PRR16: variants seen among roughly 807,000 people sequenced by gnomAD.
The protein encoded by PRR16 is proline rich 16.
PRR16 carries 6 observed loss-of-function variants against 18.2 expected under a neutral mutation model. The observed-to-expected ratio is 0.33, with a 90% CI of 0.18 to 0.65. The LOEUF is 0.65. Ranked by LOEUF, PRR16 falls within the 30% of genes least tolerant of loss-of-function variation. The pLI is 0.74. For missense variants in PRR16, 412 were observed against 376.6 expected (o/e 1.09, Z -0.78); for synonymous variants, 151 against 147.8 (o/e 1.02, Z -0.16).
chr5:120,741,581 A>G, the PRR16 span, among the ~76,000 whole-genome samples: 1 of 152,128 alleles, frequency 6.6e-6, no homozygotes, highest in African/African-American at 2.4e-5. Flanking sequence ...ATCATTAAGT[A>G]TGATACTTTC....
intron 1 of PRR16, among the ~76,000 whole-genome samples, chr5:120,675,208 C>T (rs1756754313): frequency 6.6e-6 from 1 of 152,204 alleles, no homozygotes; most frequent in African/African-American, 2.4e-5. Flanking sequence ...GATGCTGTGA[C>T]TCCATCTTCA....
chr5:120,592,982 A>G (rs544796762), intron 1 of PRR16, among the ~76,000 whole-genome samples: 1 of 152,144 alleles, frequency 6.6e-6, no homozygotes, highest in Non-Finnish European at 1.5e-5. Flanking sequence ...TAACTTTGTT[A>G]CCCATACCAG....
At chr5:120,526,783 T>C (rs1436209262) in intron 1 of PRR16, among the ~76,000 whole-genome samples, 1 of 152,166 alleles carries the variant, frequency 6.6e-6, no homozygotes, top group Non-Finnish European at 1.5e-5. Context: ...TGAGACTGTA[T>C]CTACGGGATT....
At chr5:120,736,778 T>C in the PRR16 span, among the ~76,000 whole-genome samples, 4 of 152,128 alleles carry the variant, frequency 2.6e-5, no homozygotes, top group South Asian at 2.1e-4. Context: ...AGCAATGTTT[T>C]ATAGTTTTTA....
At chr5:120,548,131 G>A (rs909054301) in intron 1 of PRR16, among the ~76,000 whole-genome samples, 4 of 151,952 alleles carry the variant, frequency 2.6e-5, no homozygotes, top group African/African-American at 9.7e-5. Context: ...ACACAAAAAT[G>A]TATGGCCCTA....
chr5:120,762,521 A>G, the PRR16 span, among the ~76,000 whole-genome samples: 1 of 152,102 alleles, frequency 6.6e-6, no homozygotes, highest in Middle Eastern at 3.2e-3. Context: ...TTTAGAAATG[A>G]AATCTCCCTA....
the PRR16 span, among the ~76,000 whole-genome samples, chr5:120,706,318 T>TCAGTTCCTGAAGAAGAAACCAG: frequency 6.6e-6 from 1 of 151,978 alleles, no homozygotes; most frequent in Non-Finnish European, 1.5e-5. Context: ...TTGATTTTTG[T>TCAGTTCCTGAAGAAGAAACCAG]CAGTTTGACT....
At chr5:120,598,328 T>C (rs972099841) in intron 1 of PRR16, among the ~76,000 whole-genome samples, 4 of 151,954 alleles carry the variant, frequency 2.6e-5, no homozygotes, top group African/African-American at 9.7e-5. Flanking sequence ...AAAAGAATTA[T>C]CTCCAAGATA....
the PRR16 span, among the ~76,000 whole-genome samples, chr5:120,763,727 T>TTTCA: frequency 6.6e-6 from 1 of 151,388 alleles, no homozygotes; most frequent in African/African-American, 2.5e-5. Context: ...CTTCAATTTC[T>TTTCA]TTCATCAGTT....
At chr5:120,689,027 C>A (rs969833287), downstream of PRR16, among the ~76,000 whole-genome samples, 4 of 152,116 alleles carry the variant, frequency 2.6e-5, no homozygotes, top group Non-Finnish European at 4.4e-5. Context: ...AAATAACTAA[C>A]TAACTACTGG....
the PRR16 span, among the ~76,000 whole-genome samples, chr5:120,757,615 T>G: frequency 6.6e-6 from 1 of 152,054 alleles, no homozygotes; most frequent in African/African-American, 2.4e-5. Context: ...CGTTATTATA[T>G]GATTATAAAT....
At chr5:120,768,312 A>T in the PRR16 span, among the ~76,000 whole-genome samples, 1 of 151,946 alleles carries the variant, frequency 6.6e-6, no homozygotes, top group South Asian at 2.1e-4. Context: ...AGTGCTAGCT[A>T]TTGTAATTTA....
chr5:120,577,061 T>C (rs1197525251), intron 1 of PRR16, among the ~76,000 whole-genome samples: 1 of 152,078 alleles, frequency 6.6e-6, no homozygotes, highest in Non-Finnish European at 1.5e-5. Context: ...GAAAGATTCT[T>C]TTTTTTAAGC....
At chr5:120,675,255 G>C (rs1295697369) in intron 1 of PRR16, among the ~76,000 whole-genome samples, 2 of 152,098 alleles carry the variant, frequency 1.3e-5, no homozygotes, top group Non-Finnish European at 2.9e-5. Context: ...AGCTTTATTC[G>C]GAGCTGCTGT....
chr5:120,672,975 C>A (rs540850354), intron 1 of PRR16, among the ~76,000 whole-genome samples: 105 of 152,214 alleles, frequency 6.9e-4, no homozygotes, highest in African/African-American at 2.5e-3. Context: ...GTTTCCTTTG[C>A]CACACTTTAC....
chr5:120,487,306 A>G (rs181591792), intron 1 of PRR16, among the ~76,000 whole-genome samples: 1 of 152,046 alleles, frequency 6.6e-6, no homozygotes, highest in Non-Finnish European at 1.5e-5. Flanking sequence ...ATTTGTTTGC[A>G]TCCTGTTTTA....
chr5:120,603,941 T>C (rs1754067094), intron 1 of PRR16, among the ~76,000 whole-genome samples: 1 of 152,070 alleles, frequency 6.6e-6, no homozygotes, highest in South Asian at 2.1e-4. Context: ...TTTGGTTTTT[T>C]TGAATGTGTG....
chr5:120,783,201 CACATT>C, the PRR16 span, among the ~76,000 whole-genome samples: 5 of 152,176 alleles, frequency 3.3e-5, no homozygotes. Context: ...TCATTTTCTT[CACATT>C]ACAATAATCA....
chr5:120,577,568 G>A (rs1753121086), intron 1 of PRR16, among the ~76,000 whole-genome samples: 1 of 152,106 alleles, frequency 6.6e-6, no homozygotes, highest in African/African-American at 2.4e-5. Context: ...CCTCTTAGGA[G>A]TTTGGCAAAT....
Sources: gnomAD v4.1 joint callset for allele counts (sites outside exome capture counted in the v4.1 genomes callset) on GRCh38, gnomAD v4.1.1 for gene constraint, MANE v1.5 for transcripts, NCBI Gene and HGNC (gene_info 2026-07-23, HGNC 2026-07-21) for gene names.